Variants in SEMA3A observed in about 807,000 individuals in gnomAD.
The protein encoded by SEMA3A is semaphorin-3A.
SEMA3A carries 29 observed loss-of-function variants against 97.9 expected under a neutral mutation model. That is an observed-to-expected ratio of 0.30 (90% CI 0.22 to 0.40). The LOEUF is 0.40. SEMA3A is among the 10% of genes least tolerant of loss of function. SEMA3A has a pLI of 1.00. For missense variants in SEMA3A, 763 were observed against 951.3 expected (o/e 0.80, Z 2.60); for synonymous variants, 321 against 323.7 (o/e 0.99, Z 0.09).
intron 2 of SEMA3A, among the ~76,000 whole-genome samples, chr7:84,371,199 AC>A (rs1802966122): frequency 6.6e-6 from 1 of 151,778 alleles, no homozygotes; most frequent in African/African-American, 2.4e-5. Flanking sequence ...TCCTTCAGAA[AC>A]TTTTTACAGA....
At chr7:84,147,620 A>G (rs1314090691) in intron 1 of SEMA3A, among the ~76,000 whole-genome samples, 1 of 152,162 alleles carries the variant, frequency 6.6e-6, no homozygotes, top group Non-Finnish European at 1.5e-5. Flanking sequence ...CCTAAACCCT[A>G]GATTTGTCTG....
chr7:84,342,581 G>A (rs1041152382), intron 2 of SEMA3A, among the ~76,000 whole-genome samples: 9 of 152,244 alleles, frequency 5.9e-5, no homozygotes, highest in African/African-American at 2.2e-4. Flanking sequence ...CCTTATACTC[G>A]TGTGCACACG....
chr7:84,308,236 G>A (rs914040744), intron 2 of SEMA3A, among the ~76,000 whole-genome samples: 3 of 151,500 alleles, frequency 2.0e-5, no homozygotes, highest in Non-Finnish European at 2.9e-5. Flanking sequence ...TGCATTTTTC[G>A]GCAGACATTT....
At chr7:84,434,947 C>T (rs978724581) in intron 1 of SEMA3A, among the ~76,000 whole-genome samples, 1 of 152,084 alleles carries the variant, frequency 6.6e-6, no homozygotes, top group South Asian at 2.1e-4. Context: ...AGAAGTGGAA[C>T]AAGACAAGGA....
chr7:84,484,908 G>T (rs2116441675), intron 1 of SEMA3A, among the ~76,000 whole-genome samples: 1 of 152,172 alleles, frequency 6.6e-6, no homozygotes. Context: ...AGTTTTTATT[G>T]CAACCTGCAC....
intron 2 of SEMA3A, among the ~76,000 whole-genome samples, chr7:84,331,888 G>A (rs1035378605): frequency 6.6e-6 from 1 of 152,000 alleles, no homozygotes; most frequent in Non-Finnish European, 1.5e-5. Context: ...GTGGATGAGA[G>A]CCTGTTCAAC....
chr7:84,044,505 T>G (rs962761058), intron 6 of SEMA3A, among the ~76,000 whole-genome samples: 8 of 152,004 alleles, frequency 5.3e-5, no homozygotes, highest in African/African-American at 1.7e-4. Flanking sequence ...TAGAGAAAAC[T>G]TGGGAGAGCA....
intron 4 of SEMA3A, among the ~76,000 whole-genome samples, chr7:84,106,214 C>T (rs973284926): frequency 6.6e-6 from 1 of 152,044 alleles, no homozygotes; most frequent in Non-Finnish European, 1.5e-5. Flanking sequence ...ATGGTAGGCC[C>T]CTAGGATTAT....
At chr7:84,415,620 A>G (rs1173827773) in intron 1 of SEMA3A, among the ~76,000 whole-genome samples, 1 of 152,086 alleles carries the variant, frequency 6.6e-6, no homozygotes, top group Non-Finnish European at 1.5e-5. Context: ...ATGGGTATGG[A>G]GGTGTTAATT....
At chr7:84,324,285 C>A (rs1360515444) in intron 2 of SEMA3A, among the ~76,000 whole-genome samples, 1 of 152,126 alleles carries the variant, frequency 6.6e-6, no homozygotes, top group African/African-American at 2.4e-5. Flanking sequence ...CCAGAGTAAC[C>A]TATTGGAGCT....
chr7:84,314,337 T>C (rs1801442142), intron 2 of SEMA3A, among the ~76,000 whole-genome samples: 1 of 152,076 alleles, frequency 6.6e-6, no homozygotes, highest in Non-Finnish European at 1.5e-5. Context: ...CAAACAGACA[T>C]CCGTGCAATA....
chr7:84,230,846 A>T (rs1393163611), intron 3 of SEMA3A, among the ~76,000 whole-genome samples: 1 of 151,942 alleles, frequency 6.6e-6, no homozygotes, highest in Non-Finnish European at 1.5e-5. Flanking sequence ...ATTTTTAAAA[A>T]TGTTTTTTAT....
intron 4 of SEMA3A, among the ~76,000 whole-genome samples, chr7:84,071,083 C>T (rs1163397884): frequency 2.0e-5 from 3 of 152,028 alleles, no homozygotes; most frequent in Non-Finnish European, 4.4e-5. Context: ...TAAAAGGCGA[C>T]TTTAGATATA....
At chr7:83,989,775 C>A (rs1456448055) in intron 12 of SEMA3A, among the ~76,000 whole-genome samples, 1 of 148,872 alleles carries the variant, frequency 6.7e-6, no homozygotes, top group Non-Finnish European at 1.5e-5. Flanking sequence ...CCGCAATAAA[C>A]ATACGTGTGC....
chr7:84,394,978 T>A (rs1803685559), intron 1 of SEMA3A, among the ~76,000 whole-genome samples: 1 of 152,106 alleles, frequency 6.6e-6, no homozygotes, highest in Admixed American at 6.6e-5. Flanking sequence ...TAAGTTTCCA[T>A]TGTGATGGCT....
At chr7:84,224,208 A>C (rs568571595) in intron 3 of SEMA3A, among the ~76,000 whole-genome samples, 53 of 152,146 alleles carry the variant, frequency 3.5e-4, no homozygotes, top group African/African-American at 1.2e-3. Flanking sequence ...AGAGGAGAGC[A>C]TTAAAGTGAC....
chr7:84,161,123 TG>T (rs774357544), intron 1 of SEMA3A, among the ~76,000 whole-genome samples: 1 of 151,984 alleles, frequency 6.6e-6, no homozygotes, highest in African/African-American at 2.4e-5. Flanking sequence ...CCCAGCACTT[TG>T]GGAGGCCGAG....
intron 1 of SEMA3A, among the ~76,000 whole-genome samples, chr7:84,192,177 T>A (rs1273299359): frequency 1.3e-5 from 2 of 151,962 alleles, no homozygotes; most frequent in Non-Finnish European, 2.9e-5. Context: ...AGTGGATGTT[T>A]TAACTGTGTT....
At chr7:84,362,644 C>T (rs148206109) in intron 2 of SEMA3A, among the ~76,000 whole-genome samples, 132 of 151,996 alleles carry the variant, frequency 8.7e-4, no homozygotes, top group East Asian at 7.2e-3. Context: ...AAATCCCTTT[C>T]TATATTTATA....
Sources: allele counts gnomAD v4.1 joint callset (sites outside exome capture counted in the v4.1 genomes callset), GRCh38; gene constraint gnomAD v4.1.1; transcripts MANE v1.5; gene names NCBI Gene and HGNC (gene_info 2026-07-23, HGNC 2026-07-21).